LZTFL1: variants seen among roughly 807,000 people sequenced by gnomAD.
LZTFL1 encodes the protein leucine zipper transcription factor like 1, also known as leucine zipper transcription factor-like protein 1.
Under a neutral mutation model 45.9 loss-of-function variants are expected in LZTFL1, and 25 were observed. That is an observed-to-expected ratio of 0.54 (90% CI 0.40 to 0.76). The LOEUF is 0.76. LZTFL1 is among the 30% of genes least tolerant of loss of function. The pLI is 0.00. For missense variants in LZTFL1, 277 were observed against 331.1 expected (o/e 0.84, Z 1.27); for synonymous variants, 93 against 117.4 (o/e 0.79, Z 1.35).
chr3:45,887,980 G>T (rs1296596149), intron 2 of LZTFL1, among the ~76,000 whole-genome samples: 1 of 152,266 alleles, frequency 6.6e-6, no homozygotes, highest in Non-Finnish European at 1.5e-5. Context: ...TATCTGATTT[G>T]ATGTTAGTGC....
intron 7 of LZTFL1, 72 bp downstream of exon 7, chr3:45,830,841 A>G: frequency 7.4e-7 from 1 of 1,357,586 alleles, no homozygotes; most frequent in Non-Finnish European, 1.0e-6. Context: ...AGCAGTAACT[A>G]AGACTTAATT....
intron 2 of LZTFL1, among the ~76,000 whole-genome samples, chr3:45,875,560 G>T (rs1441412922): frequency 6.6e-6 from 1 of 152,142 alleles, no homozygotes; most frequent in East Asian, 1.9e-4. Flanking sequence ...AGTGGCACAC[G>T]CCTGTAATCC....
chr3:45,888,974 A>G (rs1702064639), intron 2 of LZTFL1, among the ~76,000 whole-genome samples: 1 of 152,214 alleles, frequency 6.6e-6, no homozygotes, highest in Admixed American at 6.5e-5. Context: ...AATATATTAC[A>G]TGATATATAC....
At chr3:45,889,359 A>C (rs1044342594) in intron 2 of LZTFL1, among the ~76,000 whole-genome samples, 6 of 152,194 alleles carry the variant, frequency 3.9e-5, no homozygotes, top group African/African-American at 1.4e-4. Flanking sequence ...ACTTAGTTGC[A>C]TAAAGTAGCC....
intron 2 of LZTFL1, among the ~76,000 whole-genome samples, chr3:45,868,595 T>C (rs1278333407): frequency 1.3e-5 from 2 of 152,244 alleles, no homozygotes; most frequent in Non-Finnish European, 2.9e-5. Context: ...TCTCATTTTA[T>C]AGTTAAGAAA....
chr3:45,902,176 C>T (rs200823591), intron 2 of LZTFL1: 3 of 324,310 alleles, frequency 9.3e-6, no homozygotes, highest in Middle Eastern at 9.0e-4. Flanking sequence ...CTTTGCCACT[C>T]GCCGGAGCAT....
At position 45,825,425 on chromosome 3, in the gene LZTFL1, T is replaced by C. The variant is rs576542268; in HGVS notation, c.*889A>G. On this transcript the variant is annotated 3_prime_UTR_variant, in exon 10 of 10. Transcript: ENST00000296135. ...AAATATAGTGAAAACCTCTTGAAAA[T>C]ACAATTATTATAGACCCACATAAAT... 1 of 152,288 alleles carries C rather than the reference T, an allele frequency of 6.6e-6. No individual in the cohort carries two copies. Among genetic ancestry groups the C allele is most frequent in the East Asian group, 1.9e-4 (1 of 5,194 alleles). 9.4% of individuals were successfully genotyped at this position (152,288 alleles called of 1,614,324 possible). A position where few individuals can be genotyped will look rare whatever the true frequency, so the allele number is the denominator to read the frequency against.
intron 8 of LZTFL1, 86 bp from the exon 9 acceptor site, chr3:45,827,545 TG>T: frequency 5.9e-6 from 5 of 843,050 alleles, no homozygotes; most frequent in Non-Finnish European, 9.7e-6. Context: ...TAGTTTTTTT[TG>T]CTTGAATTTT....
At chr3:45,827,161 C>T (rs1034396180) in intron 9 of LZTFL1, 195 bp downstream of exon 9, 1 of 556,200 alleles carries the variant, frequency 1.8e-6, no homozygotes, top group Non-Finnish European at 3.2e-6. Context: ...CCTAGATGAA[C>T]CTAAAAAGAA....
chr3:45,898,154 C>T (rs1702428215), intron 2 of LZTFL1, among the ~76,000 whole-genome samples: 1 of 152,178 alleles, frequency 6.6e-6, no homozygotes, highest in South Asian at 2.1e-4. Flanking sequence ...CTTAAACCTG[C>T]TGTGATGTCC....
At chr3:45,839,678 C>T (rs1171063477) in intron 1 of LZTFL1, among the ~76,000 whole-genome samples, 1 of 152,178 alleles carries the variant, frequency 6.6e-6, no homozygotes, top group African/African-American at 2.4e-5. Flanking sequence ...GGTAGGGGGG[C>T]CTGATTTGTA....
intron 2 of LZTFL1, among the ~76,000 whole-genome samples, chr3:45,871,865 G>T (rs1701675886): frequency 6.6e-6 from 1 of 152,210 alleles, no homozygotes; most frequent in African/African-American, 2.4e-5. Flanking sequence ...AGAGGGCTTT[G>T]TTTGCTTCCC....
intron 2 of LZTFL1, among the ~76,000 whole-genome samples, chr3:45,889,139 C>A (rs2125738561): frequency 6.6e-6 from 1 of 152,194 alleles, no homozygotes; most frequent in Non-Finnish European, 1.5e-5. Context: ...GGTAGGCAAC[C>A]ATGCCTGGCA....
rs1295055385 is a variant in LZTFL1, at chr3:45,901,636, C to A, written c.-215+11484G>T. ...TTGGTGCAGACCATTGACGCCTATGCCATGTTCATCTCCAACTGTGCCGTT... is the reference window on the plus strand; with the variant it reads ...TTGGTGCAGACCATTGACGCCTATGACATGTTCATCTCCAACTGTGCCGTT... On this transcript the variant is annotated intron_variant, in intron 2 of 4. Coordinates refer to the LZTFL1 transcript ENST00000472635. This position sits in a 1 kb window ranked among gnomAD's most constrained non-coding sequence, Gnocchi z 4.3. The A allele has an allele frequency of 6.2e-7, 1 of 1,614,172 alleles. No individual in the cohort carries two copies. Among genetic ancestry groups the A allele is most frequent in the Non-Finnish European group, 8.5e-7 (1 of 1,179,982 alleles).
Position 45,868,221 on chromosome 3 carries a change from C to CA in LZTFL1, c.-214-9206dup, listed in dbSNP as rs544457959. On this transcript the variant is annotated intron_variant, in intron 2 of 4. Coordinates refer to the LZTFL1 transcript ENST00000472635. ...TTTAAAAAGTATTTTAATTTTTTTG[C>CA]AAAAAAAAAAAGAGGATTTTCCCCA... is the stretch of plus-strand genomic sequence containing the variant. 5.2e-3 allele frequency among the ~76,000 whole-genome samples: 715 copies of CA among 138,684 alleles called. 6 individuals are homozygous for CA. The highest frequency in any genetic ancestry group is 0.015 in the African/African-American group (587 of 38,580). 91.0% of individuals were successfully genotyped at this position (138,684 alleles called of 152,430 possible).
chr3:45,837,819 T>G (rs1701004092), intron 2 of LZTFL1, 108 bp downstream of exon 2: 3 of 1,207,674 alleles, frequency 2.5e-6, no homozygotes, highest in African/African-American at 3.1e-5. Flanking sequence ...AAATAATTGA[T>G]CATGATGAAT....
intron 2 of LZTFL1, among the ~76,000 whole-genome samples, chr3:45,875,803 A>ATTG (rs1341747388): frequency 6.6e-6 from 1 of 152,256 alleles, no homozygotes; most frequent in Non-Finnish European, 1.5e-5. Flanking sequence ...TTTGACCCAG[A>ATTG]GTAGAAGGTT....
In LZTFL1 at chr3:45,842,038, G is replaced by A; in HGVS notation, c.-47C>T. 6.2e-7 allele frequency: 1 copy of A among 1,602,004 alleles called. No individual in the cohort carries two copies. The highest frequency in any genetic ancestry group is 8.5e-7 in the Non-Finnish European group (1 of 1,176,450). On this transcript the variant is annotated 5_prime_UTR_variant, in exon 1 of 10. Transcript: ENST00000296135. ...CCTAAAGGAACGGGAGAGGCCAGGC[G>A]GTGCCCCGCCAAGCCTGGGATCGCC...
chr3:45,844,737 A>T (rs1001718211), upstream of LZTFL1, among the ~76,000 whole-genome samples: 1 of 152,188 alleles, frequency 6.6e-6, no homozygotes, highest in Non-Finnish European at 1.5e-5. Context: ...TTTACAGGAG[A>T]TATGCATTTG....
Sources: gnomAD v4.1 joint callset for allele counts (sites outside exome capture counted in the v4.1 genomes callset) on GRCh38, gnomAD v4.1.1 for gene constraint, Gnocchi (gnomAD v3.1) non-coding constraint, MANE v1.5 for transcripts, NCBI Gene and HGNC (gene_info 2026-07-23, HGNC 2026-07-21) for gene names.